The following IL1RAPL1 variants were observed in gnomAD, a reference collection of about 807,000 sequenced individuals.
IL1RAPL1 encodes the protein interleukin 1 receptor accessory protein like 1, also known as interleukin-1 receptor accessory protein-like 1.
A neutral mutation model predicts 48.4 loss-of-function variants in IL1RAPL1; 3 were observed. The ratio of observed to expected loss-of-function variants is 0.06; its 90% CI spans 0.03 to 0.16. IL1RAPL1 has a LOEUF of 0.16. Among genes scored for constraint, IL1RAPL1 ranks in the 10% least tolerant of loss-of-function variants. The probability of loss-of-function intolerance (pLI) is 1.00; values close to 1 mark genes in which losing one functional copy is unlikely to be tolerated. For synonymous variants in IL1RAPL1, 185 were observed against 187.7 expected (o/e 0.99, Z 0.12); for missense variants, 349 against 530.6 (o/e 0.66, Z 3.36).
chrX:29,862,159 CAA>C (rs767446668), intron 6 of IL1RAPL1, among the ~76,000 whole-genome samples: 19 of 74,807 alleles, frequency 2.5e-4, no homozygotes, highest in Admixed American at 4.8e-4. Flanking sequence ...GACCCTGTCT[CAA>C]AAAAAAAAAA....
At chrX:28,624,084 C>G (rs1934313402) in intron 1 of IL1RAPL1, among the ~76,000 whole-genome samples, 1 of 111,806 alleles carries the variant, frequency 8.9e-6, no homozygotes, top group Admixed American at 9.5e-5. Flanking sequence ...ATGTGCACGT[C>G]AGTTGCTTCT....
At chrX:29,045,793 T>C (rs1317751017) in intron 2 of IL1RAPL1, among the ~76,000 whole-genome samples, 1 of 111,725 alleles carries the variant, frequency 9.0e-6, no homozygotes, top group East Asian at 2.8e-4. Context: ...AGGTTGGCTT[T>C]TGACATGCTA....
At chrX:28,645,580 A>G (rs1179597295) in intron 1 of IL1RAPL1, among the ~76,000 whole-genome samples, 1 of 110,338 alleles carries the variant, frequency 9.1e-6, no homozygotes, top group African/African-American at 3.3e-5. Flanking sequence ...CTAAAGTGAC[A>G]TAATAATGAA....
chrX:29,803,076 CATATATGT>C (rs1930053814), intron 6 of IL1RAPL1, among the ~76,000 whole-genome samples: 1 of 84,936 alleles, frequency 1.2e-5, no homozygotes, highest in South Asian at 5.5e-4. Context: ...TGCATGTATA[CATATATGT>C]GTATATGTAT....
At chrX:28,688,337 T>C (rs2146923842) in intron 1 of IL1RAPL1, among the ~76,000 whole-genome samples, 1 of 108,435 alleles carries the variant, frequency 9.2e-6, no homozygotes, top group African/African-American at 3.4e-5. Flanking sequence ...GCCTCCAGAG[T>C]AGCTAGGACT....
chrX:29,146,768 A>G (rs1437113174), intron 2 of IL1RAPL1, among the ~76,000 whole-genome samples: 3 of 112,129 alleles, frequency 2.7e-5, no homozygotes, highest in African/African-American at 9.7e-5. Flanking sequence ...TTGTTACAAG[A>G]AAAAGAGTGA....
At chrX:29,404,299 A>G (rs953812185) in intron 5 of IL1RAPL1, among the ~76,000 whole-genome samples, 2 of 112,243 alleles carry the variant, frequency 1.8e-5, no homozygotes, top group African/African-American at 6.5e-5. Flanking sequence ...AGAATGTCAT[A>G]TAATTGAAAT....
At chrX:29,044,476 T>G (rs2147419093) in intron 2 of IL1RAPL1, among the ~76,000 whole-genome samples, 1 of 110,860 alleles carries the variant, frequency 9.0e-6, no homozygotes, top group Admixed American at 9.7e-5. Context: ...TATGATGATT[T>G]TTCCTATTAT....
At chrX:28,918,586 C>T (rs1923543775) in intron 2 of IL1RAPL1, among the ~76,000 whole-genome samples, 1 of 112,157 alleles carries the variant, frequency 8.9e-6, no homozygotes, top group Admixed American at 9.5e-5. Flanking sequence ...AATTGCAGTT[C>T]AGATAGGCTC....
chrX:29,225,393 A>G (rs1215918832), intron 2 of IL1RAPL1, among the ~76,000 whole-genome samples: 1 of 111,820 alleles, frequency 8.9e-6, no homozygotes, highest in East Asian at 2.8e-4. Context: ...GATCAATATT[A>G]TTGTCCAAAG....
rs966708893 is a variant in IL1RAPL1 at position 29,888,204 on chromosome X, T to C, written c.779-29260T>C. 2.7e-5 allele frequency among the ~76,000 whole-genome samples: 3 copies of C among 109,469 alleles called. No homozygotes were observed. The East Asian group carries it at 8.6e-4, about 31-fold the overall frequency. ...ACTTTTTGAGGTGAGGTAGCCTTTG[T>C]GAATAACATTGCAACTGAGGAATTT... On this transcript the variant is annotated intron_variant, in intron 6 of 10. Transcript: ENST00000378993.
chrX:29,572,464 G>A (rs1425434698), intron 5 of IL1RAPL1, among the ~76,000 whole-genome samples: 4 of 112,317 alleles, frequency 3.6e-5, no homozygotes, highest in Non-Finnish European at 7.5e-5. Context: ...AAATTCACAG[G>A]AGAATGGTGT....
chrX:28,667,840 C>T (rs1050349172), intron 1 of IL1RAPL1, among the ~76,000 whole-genome samples: 1 of 111,628 alleles, frequency 9.0e-6, no homozygotes, highest in Non-Finnish European at 1.9e-5. Flanking sequence ...AGCAAGTTCT[C>T]TGGGGTCTCT....
At chrX:29,479,321 G>A (rs1319258226) in intron 5 of IL1RAPL1, among the ~76,000 whole-genome samples, 4 of 105,674 alleles carry the variant, frequency 3.8e-5, no homozygotes, top group African/African-American at 1.4e-4. Flanking sequence ...AGGCTGAAGT[G>A]GGAGGATCGC....
At chrX:28,755,100 T>C (rs370408150) in intron 1 of IL1RAPL1, among the ~76,000 whole-genome samples, 2 of 111,728 alleles carry the variant, frequency 1.8e-5, no homozygotes, top group African/African-American at 6.5e-5. Flanking sequence ...TTCAAGCGAT[T>C]CTCCTGCCTC....
Position 29,403,757 on chromosome X carries a change from C to G in IL1RAPL1, c.703+4449C>G, listed in dbSNP as rs1689783235. ...CCTACCTTATGTGTAACCTCCCAAT[C>G]CAGTAGTTAGAAAACTGGTTCTCAC... is the stretch of plus-strand genomic sequence containing the variant. On this transcript the variant is annotated intron_variant, in intron 5 of 10. Transcript: ENST00000378993. 1.8e-5 allele frequency among the ~76,000 whole-genome samples: 2 copies of G among 111,731 alleles called. 1 individual carries two copies. Among genetic ancestry groups the G allele is most frequent in the Admixed American group, 1.9e-4 (2 of 10,471 alleles).
At chrX:29,339,110 A>ACACACG (rs1182095639) in intron 3 of IL1RAPL1, among the ~76,000 whole-genome samples, 74 of 109,364 alleles carry the variant, frequency 6.8e-4, no homozygotes, top group African/African-American at 2.4e-3. Context: ...ACACACACAC[A>ACACACG]CACGCACACA....
At chrX:29,674,921 G>A (rs1232252293) in intron 6 of IL1RAPL1, among the ~76,000 whole-genome samples, 2 of 112,193 alleles carry the variant, frequency 1.8e-5, no homozygotes, top group Admixed American at 9.4e-5. Context: ...TGGCCGCATG[G>A]CATTCTGTAG....
chrX:29,398,444 A>G (rs1316948560), intron 4 of IL1RAPL1, among the ~76,000 whole-genome samples: 2 of 112,031 alleles, frequency 1.8e-5, no homozygotes, highest in African/African-American at 6.5e-5. Flanking sequence ...AAAAACAGAA[A>G]TCTCCTGAGC....
Sources: allele counts gnomAD v4.1 joint callset (sites outside exome capture counted in the v4.1 genomes callset), GRCh38; gene constraint gnomAD v4.1.1; transcripts MANE v1.5; gene names NCBI Gene and HGNC (gene_info 2026-07-23, HGNC 2026-07-21).